Variants in SSX2IP observed in about 807,000 individuals in gnomAD.
The protein encoded by SSX2IP is SSX family member 2 interacting protein.
Under a neutral mutation model 84.9 loss-of-function variants are expected in SSX2IP, and 55 were observed. The observed-to-expected ratio is 0.65, with a 90% CI of 0.52 to 0.81. The LOEUF (loss-of-function observed/expected upper bound fraction) is 0.81. Ranked by LOEUF, SSX2IP falls within the 30% of genes least tolerant of loss-of-function variation. SSX2IP has a pLI of 0.00. For synonymous variants in SSX2IP, 239 were observed against 234.7 expected, an observed-to-expected ratio of 1.02 and a Z score of -0.17; for missense variants, 664 against 705.2, an observed-to-expected ratio of 0.94 and a Z score of 0.66.
Position 84,647,611 on chromosome 1 carries a change from T to C in SSX2IP, c.1671-4A>G, listed in dbSNP as rs1649623325. The C allele has an allele frequency of 6.4e-7, 1 of 1,574,274 alleles. No homozygotes were observed. The highest frequency in any genetic ancestry group is 1.3e-5 in the African/African-American group (1 of 74,080). ...TATATTCAGTACATTGATTGAACTG[T>C]TGGGAAAAGAAAGGCAGATCTTAGT... On this transcript the variant is annotated splice_region_variant and splice_polypyrimidine_tract_variant and intron_variant, in intron 13 of 13. Transcript: ENST00000342203.
chr1:84,653,912 T>C (rs375329635), intron 11 of SSX2IP, among the ~76,000 whole-genome samples: 7 of 152,060 alleles, frequency 4.6e-5, no homozygotes, highest in Non-Finnish European at 8.8e-5. Context: ...TCATGCTATA[T>C]AAAGAAAAGC....
chr1:84,663,551 A>G (rs920490596), intron 6 of SSX2IP, among the ~76,000 whole-genome samples: 2 of 152,236 alleles, frequency 1.3e-5, no homozygotes, highest in African/African-American at 4.8e-5. Context: ...AAGTATTCAG[A>G]TACCTCCAAC....
intron 8 of SSX2IP, among the ~76,000 whole-genome samples, chr1:84,660,382 G>A (rs6702974): frequency 0.1 from 15,917 of 152,158 alleles, 982 homozygotes; most frequent in African/African-American, 0.16. Flanking sequence ...ATGATGAGAC[G>A]TTAAGGTTGG....
At chr1:84,658,493 G>C in intron 8 of SSX2IP, 25 bp from the exon 9 acceptor site, 1 of 1,607,704 alleles carries the variant, frequency 6.2e-7, no homozygotes, top group South Asian at 1.1e-5. Context: ...AGATGAAGAG[G>C]AAAGGCTAGT....
Position 84,682,219 on chromosome 1 carries a change from A to G in SSX2IP, c.-90+8152T>C, listed in dbSNP as rs568500095. Among the ~76,000 whole-genome samples, 93 of 152,298 alleles carry G rather than the reference A, an allele frequency of 6.1e-4. 1 individual carries two copies. The South Asian group carries it at 0.018, about 30-fold the overall frequency. ...TCACCTGTTTTGGACTTGGCTGCCA[A>G]TTAAACTGTTAGTTTTCCAGGGCGC... On this transcript the variant is annotated intron_variant, in intron 1 of 13. Coordinates refer to ENST00000342203, the MANE Select transcript of SSX2IP (RefSeq NM_001166293.2).
At chr1:84,651,734 A>G (rs1327932184) in intron 12 of SSX2IP, 149 bp downstream of exon 12, 1 of 558,086 alleles carries the variant, frequency 1.8e-6, no homozygotes, top group African/African-American at 2.0e-5. Flanking sequence ...TCTCAAAAAC[A>G]AACAAAAAAA....
chr1:84,670,593 C>T, intron 3 of SSX2IP, 53 bp downstream of exon 3: 2 of 1,246,634 alleles, frequency 1.6e-6, no homozygotes, highest in South Asian at 1.8e-5. Flanking sequence ...AATTTTGATA[C>T]ATTCTATTAT....
chr1:84,652,852 C>T (rs919801477), intron 11 of SSX2IP, among the ~76,000 whole-genome samples: 32 of 151,342 alleles, frequency 2.1e-4, no homozygotes, highest in Non-Finnish European at 4.0e-4. Context: ...GGTGAAACCC[C>T]GTCTCTACTA....
chr1:84,664,521 CG>C lies in SSX2IP; in HGVS notation c.568del (p.Arg190GlufsTer9). 6.3e-7 allele frequency: 1 copy of C among 1,582,948 alleles called. No homozygotes were observed. The highest frequency in any genetic ancestry group is 8.6e-7 in the Non-Finnish European group (1 of 1,168,226). On this transcript the variant is annotated frameshift_variant, in exon 6 of 14. Coordinates refer to ENST00000342203, the MANE Select transcript of SSX2IP (RefSeq NM_001166293.2). LOFTEE classifies it high-confidence loss of function. Reference sequence around the variant, plus strand: ...CATATCATGATTATACTGAGTAGCTCGACTTGCAATGATATTTTGTAATTTT... The same window carrying C: ...CATATCATGATTATACTGAGTAGCTCACTTGCAATGATATTTTGTAATTTT... ...VQKLQNIIAS[R>X]ATQYNHDMKR...
intron 9 of SSX2IP, among the ~76,000 whole-genome samples, chr1:84,657,243 G>A (rs764464260): frequency 2.6e-5 from 4 of 151,926 alleles, no homozygotes; most frequent in South Asian, 2.1e-4. Flanking sequence ...AAGGATAATA[G>A]TTAAGTGAAA....
intron 4 of SSX2IP, among the ~76,000 whole-genome samples, chr1:84,667,968 G>A (rs1265862098): frequency 1.3e-5 from 2 of 152,142 alleles, no homozygotes; most frequent in Non-Finnish European, 2.9e-5. Flanking sequence ...TTGAAACTCA[G>A]TGCCTAGCAT....
intron 1 of SSX2IP, among the ~76,000 whole-genome samples, chr1:84,685,689 A>G (rs895255354): frequency 6.6e-6 from 1 of 152,248 alleles, no homozygotes; most frequent in Non-Finnish European, 1.5e-5. Flanking sequence ...AAATATGCTG[A>G]GCAAATGATA....
intron 1 of SSX2IP, among the ~76,000 whole-genome samples, chr1:84,682,466 T>C (rs1655209196): frequency 6.6e-6 from 1 of 152,134 alleles, no homozygotes; most frequent in African/African-American, 2.4e-5. Flanking sequence ...AATATGGAAC[T>C]GAGTACAGCT....
Position 84,651,882 on chromosome 1 carries a change from C to T in SSX2IP, c.1504+1G>A. 1 of 1,598,550 alleles carries T rather than the reference C, an allele frequency of 6.3e-7. No homozygotes were observed. The highest frequency in any genetic ancestry group is 8.6e-7 in the Non-Finnish European group (1 of 1,166,394). On this transcript the variant is annotated splice_donor_variant, in intron 12 of 13. Coordinates refer to ENST00000342203, the MANE Select transcript of SSX2IP (RefSeq NM_001166293.2). LOFTEE classifies it high-confidence loss of function. Reference sequence around the variant, plus strand: ...AATTAAAGAGTTTATAAAGTACTCACTTCCTGAGAAGGCACTGAAAAGTTT... The same window carrying T: ...AATTAAAGAGTTTATAAAGTACTCATTTCCTGAGAAGGCACTGAAAAGTTT...
intron 11 of SSX2IP, among the ~76,000 whole-genome samples, chr1:84,654,965 G>C (rs565382592): frequency 2.7e-4 from 41 of 152,018 alleles, no homozygotes; most frequent in Non-Finnish European, 8.8e-5. Context: ...GATACTGACT[G>C]AAGTTGAACA....
intron 1 of SSX2IP, among the ~76,000 whole-genome samples, chr1:84,682,961 A>G (rs1303389554): frequency 3.9e-5 from 6 of 152,208 alleles, no homozygotes. Flanking sequence ...AACTTATTCA[A>G]TCTTACAATG....
chr1:84,672,425 C>A (rs963693309), intron 1 of SSX2IP, among the ~76,000 whole-genome samples: 2 of 150,220 alleles, frequency 1.3e-5, no homozygotes, highest in Non-Finnish European at 3.0e-5. Context: ...AAAAAAAAAA[C>A]TCTATGTATT....
intron 9 of SSX2IP, among the ~76,000 whole-genome samples, chr1:84,657,998 TATG>T (rs1343923102): frequency 6.6e-6 from 1 of 151,974 alleles, no homozygotes; most frequent in Non-Finnish European, 1.5e-5. Context: ...ATTAGCTGGC[TATG>T]ATGTGCGCCT....
rs1445200674 is a variant in SSX2IP, at chr1:84,669,956, C to T, written c.214-63G>A. On this transcript the variant is annotated intron_variant, in intron 3 of 13. Coordinates refer to ENST00000342203, the MANE Select transcript of SSX2IP (RefSeq NM_001166293.2). ...TTGAGGAGATACTGGTCAGAGGATACAAACTTTCAGTTAGATAGGAAGAAT... is the reference window on the plus strand; with the variant it reads ...TTGAGGAGATACTGGTCAGAGGATATAAACTTTCAGTTAGATAGGAAGAAT... 3.3e-6 allele frequency: 4 copies of T among 1,229,114 alleles called. No homozygotes were observed. The African/African-American group carries it at 6.0e-5, about 19-fold the overall frequency. 76.1% of individuals were successfully genotyped at this position (1,229,114 alleles called of 1,614,324 possible).
Sources: allele counts gnomAD v4.1 joint callset (sites outside exome capture counted in the v4.1 genomes callset), GRCh38; gene constraint gnomAD v4.1.1; transcripts MANE v1.5; gene names NCBI Gene and HGNC (gene_info 2026-07-23, HGNC 2026-07-21).